Variants in RIMBP2 observed in about 807,000 individuals in gnomAD.
RIMBP2 encodes RIMS binding protein 2.
RIMBP2 carries 48 observed loss-of-function variants against 118.6 expected under a neutral mutation model. That is an observed-to-expected ratio of 0.40 (90% confidence interval 0.32 to 0.51). The LOEUF (loss-of-function observed/expected upper bound fraction) is 0.51, where lower values mean the gene tolerates loss of function less well. RIMBP2 is among the 20% of genes least tolerant of loss of function. The pLI is 0.41. For missense variants in RIMBP2, 1,551 were observed against 1,768.3 expected (o/e 0.88, Z 2.20); for synonymous variants, 762 against 742.9 (o/e 1.03, Z -0.42).
Position 130,450,136 on chromosome 12 carries a change from C to T in RIMBP2, c.581+64G>A. The T allele has an allele frequency of 9.3e-7, 1 of 1,073,364 alleles. No individual in the cohort carries two copies. The allele number at this position is 1,073,364 out of a possible 1,614,324, so 66.5% of individuals were successfully genotyped here. A position where few individuals can be genotyped will look rare whatever the true frequency, so the allele number is the denominator to read the frequency against. ...AACTTCTCAGACCCCAGAGTGTTCC[C>T]AGACCCAACATCTCATCTGCCCCAC... is the stretch of plus-strand genomic sequence containing the variant. On this transcript the variant is annotated intron_variant, in intron 9 of 22. Transcript: ENST00000690449. This position sits in a 1 kb window ranked among gnomAD's most constrained non-coding sequence, Gnocchi z 4.8.
chr12:130,613,588 G>A (rs1479493987), intron 2 of RIMBP2, among the ~76,000 whole-genome samples: 4 of 152,188 alleles, frequency 2.6e-5, no homozygotes, highest in African/African-American at 9.7e-5. Context: ...GGCCGAGGCA[G>A]GTGGATTACA....
chr12:130,519,200 T>C (rs7962255), intron 2 of RIMBP2, among the ~76,000 whole-genome samples: 57,353 of 152,176 alleles, frequency 0.38, 11,576 homozygotes, highest in African/African-American at 0.5. Flanking sequence ...CTAGGCTCCA[T>C]TCACACATCA....
intron 15 of RIMBP2, chr12:130,426,485 G>A (rs1189240539): frequency 6.6e-6 from 1 of 152,326 alleles, no homozygotes; most frequent in Non-Finnish European, 1.5e-5. Context: ...TCAATATGTT[G>A]GTAAGGATGT....
rs146862377 is a variant in RIMBP2 at position 130,602,897 on chromosome 12, G to C, written c.-217+25425C>G. 4.6e-5 allele frequency among the ~76,000 whole-genome samples: 7 copies of C among 152,270 alleles called. No individual in the cohort carries two copies. The East Asian group carries it at 1.4e-3, about 29-fold the overall frequency. ...GCTATGAGAATTCACCCTGCAAGGG[G>C]TCTATCAGGAATAATTAACACACCC... On this transcript the variant is annotated intron_variant, in intron 2 of 22. Transcript: ENST00000690449.
rs2076293236 is a variant in RIMBP2 at position 130,419,519 on chromosome 12, C to T, written c.3238+2934G>A. 4 of 152,208 alleles carry T rather than the reference C, an allele frequency of 2.6e-5. No individual in the cohort carries two copies. Among genetic ancestry groups the T allele is most frequent in the Non-Finnish European group, 5.9e-5 (4 of 68,034 alleles). The allele number at this position is 152,208 out of a possible 1,614,324, so 9.4% of individuals were successfully genotyped here. On this transcript the variant is annotated intron_variant, in intron 17 of 22. Transcript: ENST00000690449. The surrounding 1 kb of genome is among the most constrained non-coding windows in gnomAD (Gnocchi z 4.3). ...GAGATAAAGGGAATCATCTATTAAA[C>T]AGAGTTGACAGCTTTTGATTTTTTT... is the stretch of plus-strand genomic sequence containing the variant.
chr12:130,421,530 A>G (rs2076404022), intron 17 of RIMBP2, among the ~76,000 whole-genome samples: 2 of 152,192 alleles, frequency 1.3e-5, no homozygotes, highest in South Asian at 4.1e-4. Flanking sequence ...GATGGAAAAG[A>G]CCAATGGCCT....
In RIMBP2 at chr12:130,446,571, G is replaced by C. The variant is rs2078539996; in HGVS notation, c.582-1302C>G. Among the ~76,000 whole-genome samples, 5 of 152,316 alleles carry C rather than the reference G, an allele frequency of 3.3e-5. No homozygotes were observed. The South Asian group carries it at 8.3e-4, about 25-fold the overall frequency. On this transcript the variant is annotated intron_variant, in intron 9 of 22. Transcript: ENST00000690449. This position sits in a 1 kb window ranked among gnomAD's most constrained non-coding sequence, Gnocchi z 4.1. ...GACCCTGACAGCACCCAGCAGGTCAGCCTAGAGGGCTGTGCACCAGGAACT... is the reference window on the plus strand; with the variant it reads ...GACCCTGACAGCACCCAGCAGGTCACCCTAGAGGGCTGTGCACCAGGAACT...
intron 2 of RIMBP2, among the ~76,000 whole-genome samples, chr12:130,607,658 G>T (rs2060270983): frequency 6.6e-6 from 1 of 151,964 alleles, no homozygotes; most frequent in African/African-American, 2.4e-5. Context: ...GAGCGAGTCA[G>T]ACACAAATCC....
In RIMBP2 at chr12:130,399,660, G is replaced by C. The variant is rs1184493695; in HGVS notation, c.3900+19C>G. ...GCAGAACGGGACAGAGATTAAAAAGGCTAAATAGGTTTGCTTACCCTTTTT... is the reference window on the plus strand; with the variant it reads ...GCAGAACGGGACAGAGATTAAAAAGCCTAAATAGGTTTGCTTACCCTTTTT... On this transcript the variant is annotated intron_variant, in intron 22 of 22. Coordinates refer to ENST00000690449, the MANE Select transcript of RIMBP2 (RefSeq NM_001393629.1). The C allele has an allele frequency of 6.2e-7, 1 of 1,613,822 alleles. No homozygotes were observed. Among genetic ancestry groups the C allele is most frequent in the Admixed American group, 1.7e-5 (1 of 60,008 alleles).
In RIMBP2 at chr12:130,420,863, G is replaced by A. The variant is rs1287716706; in HGVS notation, c.3238+1590C>T. 9.9e-5 allele frequency: 15 copies of A among 152,132 alleles called. No homozygotes were observed. The highest frequency in any genetic ancestry group is 9.8e-4 in the Admixed American group (15 of 15,274). 9.4% of individuals were successfully genotyped at this position (152,132 alleles called of 1,614,324 possible). A position where few individuals can be genotyped will look rare whatever the true frequency, so the allele number is the denominator to read the frequency against. Reference sequence around the variant, plus strand: ...GCACAATTTTCAGTTCTCAGTCCTAGGAGACTGGAGTAGAAGACCTACCAT... The same window carrying A: ...GCACAATTTTCAGTTCTCAGTCCTAAGAGACTGGAGTAGAAGACCTACCAT... On this transcript the variant is annotated intron_variant, in intron 17 of 22. Coordinates refer to ENST00000690449, the MANE Select transcript of RIMBP2 (RefSeq NM_001393629.1). This position sits in a 1 kb window ranked among gnomAD's most constrained non-coding sequence, Gnocchi z 4.3.
intron 7 of RIMBP2, among the ~76,000 whole-genome samples, chr12:130,453,042 T>C (rs1483230334): frequency 1.3e-5 from 2 of 152,106 alleles, no homozygotes; most frequent in East Asian, 1.9e-4. Flanking sequence ...TCTCTCATGA[T>C]GGTAATGCTT....
At chr12:130,549,804 T>G (rs12425694) in intron 2 of RIMBP2, among the ~76,000 whole-genome samples, 12,740 of 152,266 alleles carry the variant, frequency 0.084, 717 homozygotes, top group South Asian at 0.17. Context: ...CTGTGAATAG[T>G]GCTGCAATGA....
chr12:130,608,798 A>C (rs532854728), intron 2 of RIMBP2, among the ~76,000 whole-genome samples: 1 of 152,288 alleles, frequency 6.6e-6, no homozygotes, highest in South Asian at 2.1e-4. Flanking sequence ...TGGTGAGAGA[A>C]CTTAATACCC....
chr12:130,580,008 C>T (rs1460058986), intron 2 of RIMBP2, among the ~76,000 whole-genome samples: 5 of 137,684 alleles, frequency 3.6e-5, no homozygotes, highest in Non-Finnish European at 6.2e-5. Flanking sequence ...CATGGTAAAA[C>T]ACTGTCTCTA....
chr12:130,399,585 G>T, intron 22 of RIMBP2, 94 bp downstream of exon 22: 1 of 1,427,768 alleles, frequency 7.0e-7, no homozygotes, highest in South Asian at 1.4e-5. Context: ...TACGCTTTTC[G>T]GCCCAAGATA....
At chr12:130,671,315 C>A (rs891923359) in intron 1 of RIMBP2, among the ~76,000 whole-genome samples, 6 of 152,240 alleles carry the variant, frequency 3.9e-5, no homozygotes, top group Non-Finnish European at 7.3e-5. Flanking sequence ...TCATTCCTCA[C>A]TGCTCTGTTT....
rs1171231637 is a variant in RIMBP2, at chr12:130,576,432, C to T, written c.-217+51890G>A. 6.6e-6 allele frequency among the ~76,000 whole-genome samples: 1 copy of T among 152,102 alleles called. No individual in the cohort carries two copies. The highest frequency in any genetic ancestry group is 2.4e-5 in the African/African-American group (1 of 41,424). On this transcript the variant is annotated intron_variant, in intron 2 of 22. Coordinates refer to ENST00000690449, the MANE Select transcript of RIMBP2 (RefSeq NM_001393629.1). The surrounding 1 kb of genome is among the most constrained non-coding windows in gnomAD (Gnocchi z 4.2). ...CCCTAAACACACTACCCGTGGGCAG[C>T]TGGCAGGTGGCCAGCTGCATGCCGG...
At chr12:130,479,398 C>T (rs2081749006) in intron 4 of RIMBP2, among the ~76,000 whole-genome samples, 1 of 152,194 alleles carries the variant, frequency 6.6e-6, no homozygotes, top group South Asian at 2.1e-4. Flanking sequence ...ATTGATGCTG[C>T]CCTGTGTGCC....
At chr12:130,647,458 C>T (rs1178238521) in intron 1 of RIMBP2, among the ~76,000 whole-genome samples, 2 of 106,180 alleles carry the variant, frequency 1.9e-5, no homozygotes, top group African/African-American at 6.1e-5. Flanking sequence ...GAAGCTAAAG[C>T]ATCATCACAT....
Sources: gnomAD v4.1 joint callset for allele counts (sites outside exome capture counted in the v4.1 genomes callset) on GRCh38, gnomAD v4.1.1 for gene constraint, Gnocchi (gnomAD v3.1) non-coding constraint, MANE v1.5 for transcripts, NCBI Gene and HGNC (gene_info 2026-07-23, HGNC 2026-07-21) for gene names.